CACNA1B: variants seen among roughly 807,000 people sequenced by gnomAD.
CACNA1B encodes calcium voltage-gated channel subunit alpha1 B, also known as voltage-dependent N-type calcium channel subunit alpha-1B.
CACNA1B carries 70 observed loss-of-function variants against 247.2 expected under a neutral mutation model. The observed-to-expected ratio is 0.28, with a 90% CI of 0.23 to 0.35. The LOEUF (loss-of-function observed/expected upper bound fraction) is 0.35, where lower values mean the gene tolerates loss of function less well. Among genes scored for constraint, CACNA1B ranks in the 10% least tolerant of loss-of-function variants. CACNA1B has a pLI of 1.00. For missense variants in CACNA1B, 2,367 were observed against 3,197.4 expected (o/e 0.74, Z 6.26); for synonymous variants, 1,231 against 1,294.4 (o/e 0.95, Z 1.05).
At chr9:138,030,660 A>G (rs1958977683) in intron 20 of CACNA1B, among the ~76,000 whole-genome samples, 1 of 152,212 alleles carries the variant, frequency 6.6e-6, no homozygotes, top group Non-Finnish European at 1.5e-5. Flanking sequence ...TTGAACTGAT[A>G]TTAATTCTCC....
rs55707888 is a variant in CACNA1B, at chr9:138,077,637, C to T, written c.4950-477C>T. On this transcript the variant is annotated intron_variant, in intron 35 of 46. Transcript: ENST00000371372. The stretch of plus-strand genomic sequence containing the variant: ...TCCATAGCACAGGGCAGGTCATGGT[C>T]GCTTGGCCTAGGACAGTGAGGAGTG... Among the ~76,000 whole-genome samples the T allele has an allele frequency of 5.1e-3, 769 of 152,212 alleles. 12 individuals are homozygous for T. The highest frequency in any genetic ancestry group is 0.018 in the African/African-American group (737 of 41,528).
At chr9:138,116,077 A>G (rs1011719792) in intron 42 of CACNA1B, among the ~76,000 whole-genome samples, 23 of 152,006 alleles carry the variant, frequency 1.5e-4, no homozygotes, top group African/African-American at 4.8e-4. Context: ...CCCATTCCCA[A>G]CACACGCACC....
At chr9:138,034,154 A>G (rs930223385) in intron 20 of CACNA1B, among the ~76,000 whole-genome samples, 1 of 152,122 alleles carries the variant, frequency 6.6e-6, no homozygotes, top group African/African-American at 2.4e-5. Context: ...GATAGACCTT[A>G]TCACCTCCAG....
chr9:137,893,690 A>G (rs1490437109), intron 3 of CACNA1B, among the ~76,000 whole-genome samples: 1 of 152,092 alleles, frequency 6.6e-6, no homozygotes, highest in Non-Finnish European at 1.5e-5. Flanking sequence ...AAAATAAAAT[A>G]AAGGTTTTAT....
At chr9:138,070,460 T>G (rs1247049671) in intron 32 of CACNA1B, among the ~76,000 whole-genome samples, 1 of 152,266 alleles carries the variant, frequency 6.6e-6, no homozygotes, top group Non-Finnish European at 1.5e-5. Context: ...CAAGCTCATT[T>G]GGAGTGCAGG....
At chr9:137,949,143 CTGTGCA>C (rs1957841410) in intron 6 of CACNA1B, among the ~76,000 whole-genome samples, 1 of 1,176 alleles carries the variant, frequency 8.5e-4, no homozygotes, top group Non-Finnish European at 1.8e-3. Flanking sequence ...TGTGGTGTAT[CTGTGCA>C]TGTGTGTGGT....
Position 138,120,264 on chromosome 9 carries a change from C to A in CACNA1B, c.6130C>A (p.Pro2044Thr). ...CAGCACCACCCCGGACCGCCCACCC[C>A]CTAGCCAGGCGTCGTCGCACCACCA... is the stretch of plus-strand genomic sequence containing the variant. ...LCSTTPDRPP[P>T]SQASSHHHHH... Residue 2044 changes from proline (P) to threonine (T), a missense_variant, in exon 45 of 47, where the codon CCT (proline) becomes ACT (threonine). Transcript: ENST00000371372. The A allele has an allele frequency of 2.5e-6, 4 of 1,597,556 alleles. No homozygotes were observed. Among genetic ancestry groups the A allele is most frequent in the Admixed American group, 3.4e-5 (2 of 58,764 alleles).
chr9:138,008,125 G>A (rs917219360), intron 16 of CACNA1B, among the ~76,000 whole-genome samples: 4 of 152,210 alleles, frequency 2.6e-5, no homozygotes, highest in African/African-American at 9.6e-5. Context: ...GCCTGAGGGG[G>A]CAGTGTCTGC....
In CACNA1B at chr9:138,020,665, G is replaced by A. The variant is rs911446405; in HGVS notation, c.2268-2346G>A. 2.6e-5 allele frequency among the ~76,000 whole-genome samples: 4 copies of A among 152,208 alleles called. No homozygotes were observed. Among genetic ancestry groups the A allele is most frequent in the Non-Finnish European group, 4.4e-5 (3 of 68,028 alleles). Reference sequence around the variant, plus strand: ...CAGGCCAGGTGGAACCAGTGGGGCTGCGGGGGGCGGGCAGGTGCCCTAGCG... The same window carrying A: ...CAGGCCAGGTGGAACCAGTGGGGCTACGGGGGGCGGGCAGGTGCCCTAGCG... On this transcript the variant is annotated intron_variant, in intron 18 of 46. Coordinates refer to ENST00000371372, the MANE Select transcript of CACNA1B (RefSeq NM_000718.4). This position sits in a 1 kb window ranked among gnomAD's most constrained non-coding sequence, Gnocchi z 4.1.
Position 138,050,043 on chromosome 9 carries a change from T to C in CACNA1B, c.3710+728T>C, listed in dbSNP as rs1380980778. 7.8e-7 allele frequency: 1 copy of C among 1,288,788 alleles called. No homozygotes were observed. The highest frequency in any genetic ancestry group is 2.3e-5 in the Admixed American group (1 of 43,558). The allele number at this position is 1,288,788 out of a possible 1,614,324, so 79.8% of individuals were successfully genotyped here. On this transcript the variant is annotated intron_variant, in intron 24 of 46. Coordinates refer to ENST00000371372, the MANE Select transcript of CACNA1B (RefSeq NM_000718.4). This position sits in a 1 kb window ranked among gnomAD's most constrained non-coding sequence, Gnocchi z 5.2. ...CTGCTCCTGGTGCCACTGACTCTGTTCTCTTTGTCTTCCTCTTGCTGGACT... is the reference window on the plus strand; with the variant it reads ...CTGCTCCTGGTGCCACTGACTCTGTCCTCTTTGTCTTCCTCTTGCTGGACT...
chr9:137,984,436 T>C (rs1958331151), intron 13 of CACNA1B, among the ~76,000 whole-genome samples, 186 bp downstream of exon 13: 1 of 152,240 alleles, frequency 6.6e-6, no homozygotes, highest in Non-Finnish European at 1.5e-5. Flanking sequence ...CTCAGGGCCA[T>C]CCCTGACTGG....
intron 6 of CACNA1B, among the ~76,000 whole-genome samples, chr9:137,918,217 G>T (rs573726758): frequency 6.6e-6 from 1 of 151,940 alleles, no homozygotes; most frequent in African/African-American, 2.4e-5. Context: ...GCTTGGGGGG[G>T]GTGCCTGATG....
rs76756995 is a variant in CACNA1B, at chr9:138,121,848, G to C, written c.6869G>C (p.Arg2290Pro). ...FEEAVATNSG[R>P]SSRTSYVSSL... ...GAGGCTGTGGCCACCAACTCGGGCCGCTCCTCCAGGACTTCCTACGTGTCC... is the reference window on the plus strand; with the variant it reads ...GAGGCTGTGGCCACCAACTCGGGCCCCTCCTCCAGGACTTCCTACGTGTCC... The change falls in exon 47 of 47, where the codon CGC (arginine) becomes CCC (proline). Residue 2290 changes from arginine to proline, a missense_variant. Arg to Pro is a moderately radical substitution (Grantham distance 103). Around this residue, in one of 12 missense-constraint regions of CACNA1B, gnomAD observed 773 missense variants for 779.4 expected, o/e 0.99. Transcript: ENST00000371372. This position sits in a 1 kb window ranked among gnomAD's most constrained non-coding sequence, Gnocchi z 6.8. The C allele has an allele frequency of 6.2e-7, 1 of 1,613,202 alleles. No individual in the cohort carries two copies. The highest frequency in any genetic ancestry group is 1.3e-5 in the African/African-American group (1 of 74,926).
intron 42 of CACNA1B, among the ~76,000 whole-genome samples, chr9:138,116,003 T>G (rs542640399): frequency 1.0e-3 from 153 of 152,338 alleles, no homozygotes; most frequent in African/African-American, 3.5e-3. Flanking sequence ...TAAAATCGTT[T>G]CCTGTGACAT....
chr9:138,117,205 G>GGGAGCATGTGT (rs1961898308), intron 42 of CACNA1B, among the ~76,000 whole-genome samples: 1 of 152,240 alleles, frequency 6.6e-6, no homozygotes, highest in Non-Finnish European at 1.5e-5. Flanking sequence ...CAGGCGTATG[G>GGGAGCATGTGT]GGAGCATGTG....
chr9:138,027,038 G>A (rs1958929559), intron 20 of CACNA1B, among the ~76,000 whole-genome samples: 1 of 152,156 alleles, frequency 6.6e-6, no homozygotes, highest in African/African-American at 2.4e-5. Context: ...ATCTTTTAAT[G>A]TGCTTATTTG....
At chr9:138,019,900 C>A (rs1424746220) in intron 18 of CACNA1B, among the ~76,000 whole-genome samples, 1 of 151,944 alleles carries the variant, frequency 6.6e-6, no homozygotes, top group African/African-American at 2.4e-5. Flanking sequence ...GAGTTCGAGA[C>A]CAGCCTGGGC....
chr9:138,024,099 G>A (rs1213464406), intron 19 of CACNA1B, among the ~76,000 whole-genome samples: 1 of 152,240 alleles, frequency 6.6e-6, no homozygotes, highest in South Asian at 2.1e-4. Flanking sequence ...AAGAAGGGAG[G>A]GCTTAAGGGG....
At chr9:137,938,304 C>A (rs1458881750) in intron 6 of CACNA1B, among the ~76,000 whole-genome samples, 1 of 152,086 alleles carries the variant, frequency 6.6e-6, no homozygotes. Flanking sequence ...CAAAATGGAA[C>A]CTCCTTAAAG....
Sources: allele counts gnomAD v4.1 joint callset (sites outside exome capture counted in the v4.1 genomes callset), GRCh38; gene constraint gnomAD v4.1.1; regional missense constraint gnomAD v4.1.1; non-coding constraint Gnocchi (gnomAD v3.1); transcripts MANE v1.5; gene names NCBI Gene and HGNC (gene_info 2026-07-23, HGNC 2026-07-21).